The following GRID2 variants were observed in gnomAD, a reference collection of about 807,000 sequenced individuals.
The protein encoded by GRID2 is glutamate receptor ionotropic, delta-2.
Under a neutral mutation model 114.8 loss-of-function variants are expected in GRID2, and 33 were observed. That is an observed-to-expected ratio of 0.29 (90% CI 0.22 to 0.38). GRID2 has a LOEUF of 0.38. Ranked by LOEUF, GRID2 falls within the 10% of genes least tolerant of loss-of-function variation. GRID2 has a pLI of 1.00. For missense variants in GRID2, 1,184 were observed against 1,257.7 expected, an observed-to-expected ratio of 0.94 and a Z score of 0.89; for synonymous variants, 505 against 449.9, an observed-to-expected ratio of 1.12 and a Z score of -1.55.
At chr4:92,609,679 A>G (rs1280143005) in intron 2 of GRID2, among the ~76,000 whole-genome samples, 1 of 151,154 alleles carries the variant, frequency 6.6e-6, no homozygotes, top group African/African-American at 2.4e-5. Context: ...TCTCGTGACC[A>G]CATTAGTACC....
chr4:92,829,058 C>T (rs539035705), intron 2 of GRID2, among the ~76,000 whole-genome samples: 1 of 152,228 alleles, frequency 6.6e-6, no homozygotes, highest in Non-Finnish European at 1.5e-5. Context: ...GTTGCAATTG[C>T]TTTTGGTGTT....
intron 4 of GRID2, among the ~76,000 whole-genome samples, chr4:93,185,725 T>G (rs1740341154): frequency 6.6e-6 from 1 of 152,190 alleles, no homozygotes; most frequent in South Asian, 2.1e-4. Flanking sequence ...TATTTGATGA[T>G]AATGTGATTA....
chr4:92,352,848 T>A (rs558529742), intron 1 of GRID2, among the ~76,000 whole-genome samples: 1 of 152,132 alleles, frequency 6.6e-6, no homozygotes, highest in South Asian at 2.1e-4. Context: ...TTATTAAGTG[T>A]CTTGGTTTGG....
chr4:93,710,020 TTC>T (rs1312986790), intron 14 of GRID2, among the ~76,000 whole-genome samples: 10 of 152,232 alleles, frequency 6.6e-5, no homozygotes, highest in African/African-American at 2.4e-4. Context: ...CCATTTTGAA[TTC>T]TCTGTCTGAA....
chr4:92,487,062 T>C (rs1044009787), intron 1 of GRID2, among the ~76,000 whole-genome samples: 5 of 152,014 alleles, frequency 3.3e-5, no homozygotes, highest in Non-Finnish European at 5.9e-5. Flanking sequence ...GTACATTCTC[T>C]TTTTTGTTAT....
At chr4:93,536,186 C>T (rs1047485165) in intron 13 of GRID2, among the ~76,000 whole-genome samples, 5 of 151,784 alleles carry the variant, frequency 3.3e-5, no homozygotes, top group African/African-American at 1.2e-4. Context: ...GACTATTTTA[C>T]GTAAATAGAA....
At chr4:92,753,970 G>A (rs751683628) in intron 2 of GRID2, among the ~76,000 whole-genome samples, 11 of 152,142 alleles carry the variant, frequency 7.2e-5, no homozygotes, top group Non-Finnish European at 1.5e-4. Context: ...AGCTATATAT[G>A]ACAATATAGA....
chr4:92,650,165 ATT>A (rs1170297167), intron 2 of GRID2, among the ~76,000 whole-genome samples: 2 of 152,064 alleles, frequency 1.3e-5, no homozygotes, highest in African/African-American at 2.4e-5. Flanking sequence ...ATACCAACAT[ATT>A]TATAACAAAA....
At chr4:92,586,975 G>A (rs1728480910) in intron 1 of GRID2, among the ~76,000 whole-genome samples, 1 of 151,926 alleles carries the variant, frequency 6.6e-6, no homozygotes, top group African/African-American at 2.4e-5. Context: ...CTTTAGTGAT[G>A]GAAATGACTA....
chr4:92,903,009 T>A (rs1426176571), intron 2 of GRID2, among the ~76,000 whole-genome samples: 2 of 152,084 alleles, frequency 1.3e-5, no homozygotes, highest in Non-Finnish European at 2.9e-5. Flanking sequence ...ATTTTTTCTT[T>A]TTGCTTAGGA....
At chr4:93,631,931 C>T (rs1720934036) in intron 14 of GRID2, among the ~76,000 whole-genome samples, 1 of 152,132 alleles carries the variant, frequency 6.6e-6, no homozygotes, top group South Asian at 2.1e-4. Flanking sequence ...GATGGTATCT[C>T]GTTGTAGTTT....
intron 10 of GRID2, among the ~76,000 whole-genome samples, chr4:93,428,272 G>T (rs1042158096): frequency 6.6e-6 from 1 of 151,978 alleles, no homozygotes; most frequent in Non-Finnish European, 1.5e-5. Flanking sequence ...GTTTGGAAAA[G>T]ATTTCTATAA....
intron 1 of GRID2, among the ~76,000 whole-genome samples, chr4:92,464,811 T>G (rs1721668759): frequency 6.6e-6 from 1 of 152,018 alleles, no homozygotes; most frequent in Non-Finnish European, 1.5e-5. Flanking sequence ...GTATGAGAGG[T>G]TTGGCTCTGT....
At chr4:93,482,407 A>G (rs1300213365) in intron 11 of GRID2, among the ~76,000 whole-genome samples, 1 of 152,004 alleles carries the variant, frequency 6.6e-6, no homozygotes, top group Non-Finnish European at 1.5e-5. Context: ...GAAACTGGAA[A>G]ACATCATTCT....
At chr4:93,795,629 T>A (rs1734781141) in intron 1 of GRID2, among the ~76,000 whole-genome samples, 2 of 152,196 alleles carry the variant, frequency 1.3e-5, no homozygotes, top group Non-Finnish European at 2.9e-5. Context: ...CTTTAATAGA[T>A]TATTTTATTA....
chr4:93,728,388 G>A (rs1254026692), intron 14 of GRID2, among the ~76,000 whole-genome samples: 1 of 152,130 alleles, frequency 6.6e-6, no homozygotes, highest in African/African-American at 2.4e-5. Flanking sequence ...TATTTGCTGA[G>A]GAGTGCTTTA....
chr4:93,682,196 G>C lies in GRID2; in HGVS notation c.2360+55761G>C, dbSNP rs1578558644. On this transcript the variant is annotated intron_variant, in intron 14 of 15. Coordinates refer to ENST00000282020, the MANE Select transcript of GRID2 (RefSeq NM_001510.4). The stretch of plus-strand genomic sequence containing the variant: ...CATGAAAAAATGCTCATCATCACTG[G>C]CCATCAGAGAAATGCAAATCAAAAC... 2.7e-5 allele frequency among the ~76,000 whole-genome samples: 4 copies of C among 149,314 alleles called. No individual in the cohort carries two copies. The East Asian group carries it at 7.9e-4, about 29-fold the overall frequency.
intron 1 of GRID2, among the ~76,000 whole-genome samples, chr4:92,520,022 C>T (rs1724687841): frequency 6.6e-6 from 1 of 151,952 alleles, no homozygotes; most frequent in African/African-American, 2.4e-5. Flanking sequence ...TCTAGGCACT[C>T]CATGACCCTT....
chr4:92,911,009 T>A (rs1393821280), intron 2 of GRID2, among the ~76,000 whole-genome samples: 3 of 152,098 alleles, frequency 2.0e-5, no homozygotes, highest in Admixed American at 2.0e-4. Flanking sequence ...ATAGTTTGAA[T>A]AGAGTACAAA....
Sources: allele counts gnomAD v4.1 joint callset (sites outside exome capture counted in the v4.1 genomes callset), GRCh38; gene constraint gnomAD v4.1.1; transcripts MANE v1.5; gene names NCBI Gene and HGNC (gene_info 2026-07-23, HGNC 2026-07-21).